Variants in RIMBP2 observed in about 807,000 individuals in gnomAD.
The protein encoded by RIMBP2 is RIMS-binding protein 2.
In RIMBP2, 48 loss-of-function variants were observed where a neutral mutation model predicts 118.6. The ratio of observed to expected loss-of-function variants is 0.40; its 90% CI spans 0.32 to 0.51. The LOEUF is 0.51. Among genes scored for constraint, RIMBP2 ranks in the 20% least tolerant of loss-of-function variants. The probability of loss-of-function intolerance (pLI) is 0.41; values close to 1 mark genes in which losing one functional copy is unlikely to be tolerated. For missense variants in RIMBP2, 1,551 were observed against 1,768.3 expected (o/e 0.88, Z 2.20); for synonymous variants, 762 against 742.9 (o/e 1.03, Z -0.42).
At chr12:130,664,446 C>CACGTGCAT (rs71088776) in intron 1 of RIMBP2, among the ~76,000 whole-genome samples, 847 of 73,250 alleles carry the variant, frequency 0.012, 20 homozygotes, top group Middle Eastern at 0.037. Flanking sequence ...CACGCACACA[C>CACGTGCAT]GCACACACAT....
At chr12:130,697,559 G>T (rs1175467995) in intron 1 of RIMBP2, among the ~76,000 whole-genome samples, 1 of 152,140 alleles carries the variant, frequency 6.6e-6, no homozygotes, top group African/African-American at 2.4e-5. Flanking sequence ...GAATTGGCAG[G>T]CCTTGGCAAC....
In RIMBP2 at chr12:130,646,077, C is replaced by G. The variant is rs1207780329; in HGVS notation, c.-351-17621G>C. 7.4e-3 allele frequency among the ~76,000 whole-genome samples: 975 copies of G among 131,466 alleles called. 23 individuals are homozygous for G. The highest frequency in any genetic ancestry group is 0.026 in the South Asian group (104 of 4,054). The allele number at this position is 131,466 out of a possible 152,430, so 86.2% of individuals were successfully genotyped here. A position where few individuals can be genotyped will look rare whatever the true frequency, so the allele number is the denominator to read the frequency against. ...TCCCTCACCACCTGCCTCTCCACCT[C>G]CCTCACCACTTCCCTCTCCACCTCC... On this transcript the variant is annotated intron_variant, in intron 1 of 22. Transcript: ENST00000690449.
chr12:130,629,974 T>TAAAAAAAAAA (rs33932481), intron 1 of RIMBP2, among the ~76,000 whole-genome samples: 4 of 104,514 alleles, frequency 3.8e-5, no homozygotes, highest in East Asian at 3.1e-4. Flanking sequence ...AATCAAGCTT[T>TAAAAAAAAAA]AAAAAAAAAA....
At chr12:130,407,646 C>T (rs1473162998) in intron 20 of RIMBP2, 80 bp downstream of exon 20, 20 of 1,082,104 alleles carry the variant, frequency 1.8e-5, no homozygotes, top group Admixed American at 1.2e-4. Context: ...GGTGAACACA[C>T]GTGGCCTCAG....
chr12:130,547,483 G>A (rs775665275), intron 2 of RIMBP2, among the ~76,000 whole-genome samples: 1 of 152,202 alleles, frequency 6.6e-6, no homozygotes, highest in Non-Finnish European at 1.5e-5. Flanking sequence ...TTAATCAAAG[G>A]TCTACTTTTC....
intron 2 of RIMBP2, among the ~76,000 whole-genome samples, chr12:130,571,305 G>A (rs2057626835): frequency 6.6e-6 from 1 of 152,106 alleles, no homozygotes; most frequent in Non-Finnish European, 1.5e-5. Context: ...CACCCTGGCA[G>A]GTCTAGGAAC....
intron 1 of RIMBP2, among the ~76,000 whole-genome samples, chr12:130,678,344 A>T (rs991020065): frequency 6.6e-6 from 1 of 152,198 alleles, no homozygotes; most frequent in Admixed American, 6.5e-5. Context: ...GACAGAACTG[A>T]AGCATCCGTC....
chr12:130,585,169 C>T (rs534558037), intron 2 of RIMBP2, among the ~76,000 whole-genome samples: 117 of 152,226 alleles, frequency 7.7e-4, no homozygotes, highest in African/African-American at 2.6e-3. Flanking sequence ...GGTTAACAGG[C>T]GTGAGCCACT....
intron 2 of RIMBP2, among the ~76,000 whole-genome samples, chr12:130,559,720 C>T (rs372240568): frequency 1.3e-5 from 2 of 152,166 alleles, no homozygotes; most frequent in Non-Finnish European, 2.9e-5. Flanking sequence ...CCTGGAGCTC[C>T]GTGAGACCAC....
chr12:130,685,606 C>T (rs972810280), intron 1 of RIMBP2, among the ~76,000 whole-genome samples: 3 of 152,138 alleles, frequency 2.0e-5, no homozygotes, highest in African/African-American at 4.8e-5. Context: ...GGAAGGGAGC[C>T]GTGTGGCCGC....
chr12:130,464,254 G>A (rs370408519), intron 6 of RIMBP2, among the ~76,000 whole-genome samples: 2 of 152,330 alleles, frequency 1.3e-5, no homozygotes, highest in South Asian at 2.1e-4. Flanking sequence ...TCTTTCTTGC[G>A]CAAGATCCAA....
intron 2 of RIMBP2, among the ~76,000 whole-genome samples, chr12:130,599,605 G>T (rs2059755965): frequency 6.6e-6 from 1 of 151,984 alleles, no homozygotes; most frequent in Non-Finnish European, 1.5e-5. Context: ...AAAAACACTG[G>T]GCATGCAAGT....
intron 11 of RIMBP2, 139 bp from the exon 12 acceptor site, chr12:130,438,655 G>C: frequency 8.6e-6 from 3 of 349,286 alleles, no homozygotes; most frequent in South Asian, 2.3e-5. Context: ...AGTGTTGAAA[G>C]CACATCAGAA....
intron 1 of RIMBP2, among the ~76,000 whole-genome samples, chr12:130,635,698 T>C (rs1274313695): frequency 7.9e-5 from 12 of 152,262 alleles, no homozygotes; most frequent in African/African-American, 1.7e-4. Context: ...TGCTATCTCA[T>C]TGTGGCACCT....
chr12:130,685,697 C>G (rs1475389539), intron 1 of RIMBP2, among the ~76,000 whole-genome samples: 2 of 152,182 alleles, frequency 1.3e-5, no homozygotes, highest in Non-Finnish European at 2.9e-5. Context: ...GATCCCGCGA[C>G]TCTTTATGTT....
chr12:130,507,846 A>G (rs915709715), intron 3 of RIMBP2, among the ~76,000 whole-genome samples: 4 of 152,232 alleles, frequency 2.6e-5, no homozygotes, highest in Non-Finnish European at 5.9e-5. Flanking sequence ...CACGCTTTTC[A>G]GCTGCAGAAG....
chr12:130,614,874 G>T (rs2060802954), intron 2 of RIMBP2, among the ~76,000 whole-genome samples: 2 of 149,056 alleles, frequency 1.3e-5, no homozygotes, highest in Admixed American at 1.3e-4. Flanking sequence ...AAATATATAT[G>T]TATATAAATA....
intron 5 of RIMBP2, 34 bp downstream of exon 5, chr12:130,478,878 C>A (rs765189892): frequency 3.2e-6 from 5 of 1,545,014 alleles, no homozygotes; most frequent in Admixed American, 3.4e-5. Flanking sequence ...GGACTCCCTG[C>A]CTCGCACGCC....
chr12:130,501,695 A>T (rs2049801377), intron 4 of RIMBP2, among the ~76,000 whole-genome samples: 1 of 152,238 alleles, frequency 6.6e-6, no homozygotes. Flanking sequence ...TTTGAGCCAC[A>T]ACTCTAGGCG....
Sources: allele counts gnomAD v4.1 joint callset (sites outside exome capture counted in the v4.1 genomes callset), GRCh38; gene constraint gnomAD v4.1.1; transcripts MANE v1.5; gene names NCBI Gene and HGNC (gene_info 2026-07-23, HGNC 2026-07-21).